Variants in APC observed in about 807,000 individuals in gnomAD.
The protein encoded by APC is APC regulator of Wnt signaling pathway.
Under a neutral mutation model 247.0 loss-of-function variants are expected in APC, and 72 were observed. The observed-to-expected ratio is 0.29, with a 90% CI of 0.24 to 0.35. The LOEUF (loss-of-function observed/expected upper bound fraction) is 0.35. Ranked by LOEUF, APC falls within the 10% of genes least tolerant of loss-of-function variation. APC has a pLI of 1.00. For synonymous variants in APC, 1,254 were observed against 1,162.5 expected (o/e 1.08, Z -1.60); for missense variants, 3,400 against 3,360.7 (o/e 1.01, Z -0.29).
intron 1 of APC, among the ~76,000 whole-genome samples, chr5:112,714,215 G>T (rs1018183556): frequency 3.9e-5 from 6 of 152,188 alleles, no homozygotes; most frequent in Non-Finnish European, 7.3e-5. Flanking sequence ...GGTTGTCACA[G>T]TGACTGCGAG....
chr5:112,762,852 G>A (rs1379562958), intron 2 of APC, among the ~76,000 whole-genome samples: 3 of 152,152 alleles, frequency 2.0e-5, no homozygotes, highest in Admixed American at 1.3e-4. Context: ...ATTACTTGAG[G>A]TCAGTTTTTA....
At chr5:112,773,334 T>A (rs1757259950) in intron 4 of APC, among the ~76,000 whole-genome samples, 1 of 152,196 alleles carries the variant, frequency 6.6e-6, no homozygotes, top group Non-Finnish European at 1.5e-5. Context: ...TCTCTCTGTA[T>A]GACCAAACTC....
At chr5:112,831,787 C>T (rs576462624) in intron 14 of APC, among the ~76,000 whole-genome samples, 2 of 152,334 alleles carry the variant, frequency 1.3e-5, no homozygotes, top group Admixed American at 1.3e-4. Context: ...CTAGAAGAAG[C>T]CCAATGTTTT....
chr5:112,799,869 G>T (rs1448105732), intron 7 of APC, among the ~76,000 whole-genome samples: 1 of 151,962 alleles, frequency 6.6e-6, no homozygotes, highest in Non-Finnish European at 1.5e-5. Flanking sequence ...GTTTTACCCA[G>T]AACACTCATC....
In APC at chr5:112,837,797, G is replaced by C. The variant is rs559313229; in HGVS notation, c.2203G>C (p.Ala735Pro). 25 of 1,614,062 alleles carry C rather than the reference G, an allele frequency of 1.5e-5. No individual in the cohort carries two copies. In the South Asian group the frequency reaches 2.7e-4, roughly 18 times the overall value. Reference sequence around the variant, plus strand: ...AAGGAATCTCATGGCAAATAGGCCTGCGAAGTACAAGGATGCCAATATTAT... The same window carrying C: ...AAGGAATCTCATGGCAAATAGGCCTCCGAAGTACAAGGATGCCAATATTAT... ...ALRNLMANRP[A>P]KYKDANIMSP... The change falls in exon 16 of 16, where the codon GCG becomes CCG. Residue 735 changes from alanine to proline, a missense_variant. This residue lies in a region of APC where 91 missense variants were observed against 103.3 expected (regional missense o/e 0.88). Transcript: ENST00000257430.
chr5:112,818,603 C>T (rs1178183561), intron 9 of APC, among the ~76,000 whole-genome samples: 1 of 152,134 alleles, frequency 6.6e-6, no homozygotes, highest in African/African-American at 2.4e-5. Flanking sequence ...ACTACATTCT[C>T]TATGTGTGTG....
chr5:112,815,686 A>G lies in APC; in HGVS notation c.933+93A>G, dbSNP rs1234049093. 3.9e-6 allele frequency: 4 copies of G among 1,016,690 alleles called. No individual in the cohort carries two copies. The African/African-American group carries it at 6.4e-5, about 16-fold the overall frequency. The allele number at this position is 1,016,690 out of a possible 1,614,324, so 63.0% of individuals were successfully genotyped here. On this transcript the variant is annotated intron_variant, in intron 9 of 15. Coordinates refer to ENST00000257430, the MANE Select transcript of APC (RefSeq NM_000038.6). The stretch of plus-strand genomic sequence containing the variant: ...TGCAGTGGCTCACACCTGTAATCCC[A>G]GCATTTTGGGAGGCCAAGGCAGGTG...
In APC at chr5:112,842,034, C is replaced by T. The variant is rs779469633; in HGVS notation, c.6440C>T (p.Pro2147Leu). Residue 2147 changes from proline (P) to leucine (L), a missense_variant, in exon 16 of 16, where the codon CCA becomes CTA. Pro to Leu is a moderately conservative substitution (Grantham distance 98, BLOSUM62 -3). Coordinates refer to ENST00000257430, the MANE Select transcript of APC (RefSeq NM_000038.6). Reference protein sequence around the residue: ...SLKSGISLGSPFHLTPDQEEK... With the variant: ...SLKSGISLGSLFHLTPDQEEK... Reference sequence around the variant, plus strand: ...AAATCAGGAATCTCTCTGGGATCACCATTTCATCTTACACCTGATCAAGAA... The same window carrying T: ...AAATCAGGAATCTCTCTGGGATCACTATTTCATCTTACACCTGATCAAGAA... The T allele has an allele frequency of 2.6e-5, 42 of 1,613,226 alleles. No homozygotes were observed. The highest frequency in any genetic ancestry group is 3.5e-5 in the Non-Finnish European group (41 of 1,179,380).
intron 8 of APC, among the ~76,000 whole-genome samples, chr5:112,810,470 G>C (rs1761877057): frequency 6.6e-6 from 1 of 152,198 alleles, no homozygotes; most frequent in Admixed American, 6.5e-5. Context: ...AAAGAAAGGA[G>C]AGCTGACAAG....
chr5:112,766,463 T>G (rs1315345995), intron 3 of APC, 53 bp downstream of exon 3: 1 of 1,258,782 alleles, frequency 7.9e-7, no homozygotes, highest in Admixed American at 1.7e-5. Flanking sequence ...AATTGTCATC[T>G]TTAGGTGTGT....
intron 1 of APC, among the ~76,000 whole-genome samples, chr5:112,724,957 A>C (rs1452028467): frequency 6.6e-6 from 1 of 152,144 alleles, no homozygotes; most frequent in African/African-American, 2.4e-5. Context: ...GGGTCTTTCT[A>C]ACAGCTGGCA....
chr5:112,726,144 C>T (rs1377514914), intron 1 of APC, among the ~76,000 whole-genome samples: 6 of 152,206 alleles, frequency 3.9e-5, no homozygotes, highest in Admixed American at 1.3e-4. Context: ...GCCTGCAGCT[C>T]CTGAAGCCCA....
chr5:112,769,835 T>C (rs953575227), intron 4 of APC, among the ~76,000 whole-genome samples: 3 of 152,192 alleles, frequency 2.0e-5, no homozygotes, highest in South Asian at 2.1e-4. Flanking sequence ...TTTATAAAAA[T>C]AGGGATAATT....
In APC at chr5:112,727,684, C is replaced by G. The variant is rs185825847; in HGVS notation, c.165+19802C>G. On this transcript the variant is annotated intron_variant, in intron 1 of 13. Transcript: ENST00000507379. ...TGATCTTGTTTTCTTGGGAAAAAGA[C>G]TTTAAAAAAATCATCCTATGTGCTA... Among the ~76,000 whole-genome samples the G allele has an allele frequency of 3.9e-5, 6 of 152,114 alleles. No individual in the cohort carries two copies. In the East Asian group the frequency reaches 1.2e-3, roughly 29 times the overall value.
At chr5:112,740,033 G>A (rs541275920) in intron 1 of APC, among the ~76,000 whole-genome samples, 124 of 152,042 alleles carry the variant, frequency 8.2e-4, no homozygotes, top group African/African-American at 2.8e-3. Context: ...AAACTATAAT[G>A]CCTTTTATTA....
At chr5:112,716,355 AT>A (rs1486072341) in intron 1 of APC, among the ~76,000 whole-genome samples, 1 of 152,114 alleles carries the variant, frequency 6.6e-6, no homozygotes, top group Non-Finnish European at 1.5e-5. Context: ...ATTTGGAAGT[AT>A]TATATTTTTA....
chr5:112,835,878 T>C (rs1027208429), intron 15 of APC, among the ~76,000 whole-genome samples: 3 of 151,654 alleles, frequency 2.0e-5, no homozygotes, highest in African/African-American at 7.3e-5. Flanking sequence ...CGGCCAATAA[T>C]CATAATATTA....
intron 5 of APC, among the ~76,000 whole-genome samples, 180 bp downstream of exon 5, chr5:112,775,917 A>G (rs1172777765): frequency 6.6e-6 from 1 of 152,214 alleles, no homozygotes; most frequent in Non-Finnish European, 1.5e-5. Flanking sequence ...GGTAAAGATG[A>G]TAAAACTTTA....
chr5:112,761,449 TC>T (rs1755660705), intron 2 of APC, among the ~76,000 whole-genome samples: 1 of 152,094 alleles, frequency 6.6e-6, no homozygotes, highest in Admixed American at 6.5e-5. Flanking sequence ...TTAAAAGGAA[TC>T]AAATAGATAT....
Sources: gnomAD v4.1 joint callset for allele counts (sites outside exome capture counted in the v4.1 genomes callset) on GRCh38, gnomAD v4.1.1 for gene constraint, gnomAD v4.1.1 regional missense constraint, MANE v1.5 for transcripts, NCBI Gene and HGNC (gene_info 2026-07-23, HGNC 2026-07-21) for gene names.